Variants in TMEFF2 observed in about 807,000 individuals in gnomAD.
TMEFF2 encodes transmembrane protein with EGF like and two follistatin like domains 2, also known as tomoregulin-2.
Under a neutral mutation model 53.8 loss-of-function variants are expected in TMEFF2, and 28 were observed. The ratio of observed to expected loss-of-function variants is 0.52; its 90% CI spans 0.39 to 0.71. The LOEUF (loss-of-function observed/expected upper bound fraction) is 0.71, where lower values mean the gene tolerates loss of function less well. Among genes scored for constraint, TMEFF2 ranks in the 30% least tolerant of loss-of-function variants. The pLI, the probability that TMEFF2 is intolerant of heterozygous loss-of-function variation, is 0.00. For synonymous variants in TMEFF2, 162 were observed against 166.3 expected (o/e 0.97, Z 0.20); for missense variants, 353 against 455.2 (o/e 0.78, Z 2.04).
At chr2:192,006,393 A>G (rs1398187138) in intron 5 of TMEFF2, among the ~76,000 whole-genome samples, 1 of 152,124 alleles carries the variant, frequency 6.6e-6, no homozygotes, top group Non-Finnish European at 1.5e-5. Flanking sequence ...CTTCCAAAAA[A>G]CGGAATCACA....
chr2:191,954,048 C>T (rs1339914654), intron 8 of TMEFF2, among the ~76,000 whole-genome samples: 7 of 152,112 alleles, frequency 4.6e-5, no homozygotes, highest in East Asian at 3.9e-4. Context: ...CCACTATGCC[C>T]GGCTAATTTT....
At chr2:192,193,909 C>A (rs140729253) in intron 1 of TMEFF2, among the ~76,000 whole-genome samples, 41 of 152,170 alleles carry the variant, frequency 2.7e-4, no homozygotes, top group African/African-American at 9.9e-4. Context: ...CAGCGATTCC[C>A]CTGCAGTCAC....
At chr2:192,169,780 T>C (rs572649698) in intron 4 of TMEFF2, among the ~76,000 whole-genome samples, 11 of 152,076 alleles carry the variant, frequency 7.2e-5, no homozygotes, top group Middle Eastern at 3.4e-3. Flanking sequence ...ACTTGTAGAA[T>C]TGGACCCACT....
intron 4 of TMEFF2, among the ~76,000 whole-genome samples, chr2:192,103,788 G>T (rs1486088616): frequency 6.6e-6 from 1 of 151,908 alleles, no homozygotes; most frequent in East Asian, 1.9e-4. Flanking sequence ...GTATGTCTTT[G>T]TTTTATATGC....
At chr2:192,112,436 C>T (rs1251870712) in intron 4 of TMEFF2, among the ~76,000 whole-genome samples, 4 of 152,154 alleles carry the variant, frequency 2.6e-5, no homozygotes, top group African/African-American at 9.7e-5. Context: ...CAATTTCTCC[C>T]ATTTGGAATG....
chr2:192,055,277 T>C (rs1236339926), intron 5 of TMEFF2, among the ~76,000 whole-genome samples: 2 of 152,166 alleles, frequency 1.3e-5, no homozygotes, highest in African/African-American at 4.8e-5. Flanking sequence ...TATTTTAGAG[T>C]AGTATTTCCA....
intron 4 of TMEFF2, among the ~76,000 whole-genome samples, chr2:192,137,910 C>G (rs1690049387): frequency 6.6e-6 from 1 of 151,934 alleles, no homozygotes; most frequent in South Asian, 2.1e-4. Flanking sequence ...TCAAGTTATT[C>G]TCCTGCCTCA....
intron 4 of TMEFF2, among the ~76,000 whole-genome samples, chr2:192,107,232 T>C (rs1358342166): frequency 1.3e-5 from 2 of 151,730 alleles, no homozygotes; most frequent in Non-Finnish European, 3.0e-5. Flanking sequence ...TAAATGCACA[T>C]AGGATTAAGG....
intron 4 of TMEFF2, among the ~76,000 whole-genome samples, chr2:192,126,893 C>T (rs577092353): frequency 9.2e-4 from 140 of 152,222 alleles, no homozygotes; most frequent in African/African-American, 3.3e-3. Context: ...TAAAATAATG[C>T]CCTTCCTCCC....
intron 4 of TMEFF2, among the ~76,000 whole-genome samples, chr2:192,149,652 C>T (rs1690338219): frequency 1.3e-5 from 2 of 151,900 alleles, no homozygotes; most frequent in Non-Finnish European, 2.9e-5. Flanking sequence ...ACACTATGCA[C>T]ATGAGCTCTA....
chr2:192,147,483 C>G (rs1690281744), intron 4 of TMEFF2, among the ~76,000 whole-genome samples: 1 of 151,714 alleles, frequency 6.6e-6, no homozygotes, highest in Non-Finnish European at 1.5e-5. Context: ...CTCCCCACTC[C>G]CCCCACCCCA....
chr2:192,188,717 A>G (rs1251814166), intron 2 of TMEFF2, among the ~76,000 whole-genome samples: 1 of 152,186 alleles, frequency 6.6e-6, no homozygotes, highest in Non-Finnish European at 1.5e-5. Context: ...TTAAATTATA[A>G]AGTGGTTATT....
At chr2:192,005,082 G>A (rs1214651405) in intron 5 of TMEFF2, among the ~76,000 whole-genome samples, 1 of 152,112 alleles carries the variant, frequency 6.6e-6, no homozygotes, top group Non-Finnish European at 1.5e-5. Context: ...TCTGTATGTG[G>A]TAATACTACC....
chr2:192,031,528 GATTT>G (rs1161482265), intron 5 of TMEFF2: 1 of 152,194 alleles, frequency 6.6e-6, no homozygotes, highest in African/African-American at 2.4e-5. Context: ...TAACATCTGA[GATTT>G]ATTAAGCATC....
intron 4 of TMEFF2, among the ~76,000 whole-genome samples, chr2:192,059,394 G>A (rs925997249): frequency 6.6e-6 from 1 of 152,090 alleles, no homozygotes; most frequent in Non-Finnish European, 1.5e-5. Context: ...GTGGACCATG[G>A]GGATAAGAGG....
chr2:192,102,611 CT>C (rs1158153239), intron 4 of TMEFF2, among the ~76,000 whole-genome samples: 1 of 132,954 alleles, frequency 7.5e-6, no homozygotes, highest in African/African-American at 2.8e-5. Flanking sequence ...TCAATAATTT[CT>C]TTCTTTTCTT....
At chr2:192,016,536 T>G (rs560482914) in intron 5 of TMEFF2, among the ~76,000 whole-genome samples, 134 of 152,302 alleles carry the variant, frequency 8.8e-4, no homozygotes, top group African/African-American at 3.0e-3. Context: ...TCTCAGTAGA[T>G]GAAATATGCC....
rs1220062284 is a variant in TMEFF2 at position 192,194,417 on chromosome 2, C to T, written c.108G>A (p.Val36=). 3.7e-6 allele frequency: 6 copies of T among 1,613,992 alleles called. No individual in the cohort carries two copies. The highest frequency in any genetic ancestry group is 5.1e-6 in the Non-Finnish European group (6 of 1,180,018). Residue 36 remains valine, a synonymous_variant, in exon 1 of 10, where the codon GTG becomes GTA. Transcript: ENST00000272771. This position sits in a 1 kb window ranked among gnomAD's most constrained non-coding sequence, Gnocchi z 4.2. ...PVMLLIVARP[V]KLAAFPTSLS... is the part of the protein sequence containing the mutation. Reference sequence around the variant, plus strand: ...AGGAGGTAGGGAAAGCAGCGAGCTTCACCGGGCGGGCTACGATGAGTAGCA... The same window carrying T: ...AGGAGGTAGGGAAAGCAGCGAGCTTTACCGGGCGGGCTACGATGAGTAGCA...
intron 4 of TMEFF2, among the ~76,000 whole-genome samples, chr2:192,154,148 G>A (rs1690452530): frequency 6.6e-6 from 1 of 151,870 alleles, no homozygotes; most frequent in South Asian, 2.1e-4. Flanking sequence ...CAAGACTATA[G>A]GGGAAATGTT....
Sources: allele counts gnomAD v4.1 joint callset (sites outside exome capture counted in the v4.1 genomes callset), GRCh38; gene constraint gnomAD v4.1.1; non-coding constraint Gnocchi (gnomAD v3.1); transcripts MANE v1.5; gene names NCBI Gene and HGNC (gene_info 2026-07-23, HGNC 2026-07-21).